CMIP: variants seen among roughly 807,000 people sequenced by gnomAD.
CMIP encodes the protein c-Maf inducing protein.
A neutral mutation model predicts 97.3 loss-of-function variants in CMIP; 13 were observed. The ratio of observed to expected loss-of-function variants is 0.13; its 90% CI spans 0.09 to 0.21. The LOEUF (loss-of-function observed/expected upper bound fraction) is 0.21, where lower values mean the gene tolerates loss of function less well. CMIP is among the 10% of genes least tolerant of loss of function. The pLI is 1.00. For synonymous variants in CMIP, 538 were observed against 436.3 expected (o/e 1.23, Z -2.91); for missense variants, 847 against 1,024.9 (o/e 0.83, Z 2.37).
chr16:81,465,968 A>G (rs1907179472), intron 1 of CMIP, among the ~76,000 whole-genome samples: 1 of 152,226 alleles, frequency 6.6e-6, no homozygotes, highest in African/African-American at 2.4e-5. Flanking sequence ...TGGTAATTTC[A>G]GGTGGCAAGA....
chr16:81,511,117 T>C (rs1325953394), intron 1 of CMIP, among the ~76,000 whole-genome samples: 1 of 152,202 alleles, frequency 6.6e-6, no homozygotes, highest in South Asian at 2.1e-4. Context: ...CAGCTTATGA[T>C]GAGTCTTGGG....
Position 81,711,698 on chromosome 16 carries a change from C to G in CMIP, c.*1899C>G, listed in dbSNP as rs894189817. 3 of 152,144 alleles carry G rather than the reference C, an allele frequency of 2.0e-5. No individual in the cohort carries two copies. Among genetic ancestry groups the G allele is most frequent in the Non-Finnish European group, 4.4e-5 (3 of 67,992 alleles). 9.4% of individuals were successfully genotyped at this position (152,144 alleles called of 1,614,324 possible). On this transcript the variant is annotated 3_prime_UTR_variant, in exon 21 of 21. Transcript: ENST00000537098. Reference sequence around the variant, plus strand: ...TTCCTGATGGTTAATACTACTGTCACGTAGCTGTGTACAAAGAGATGTGAA... The same window carrying G: ...TTCCTGATGGTTAATACTACTGTCAGGTAGCTGTGTACAAAGAGATGTGAA...
chr16:81,653,714 G>T (rs1300062584), intron 4 of CMIP, among the ~76,000 whole-genome samples: 1 of 152,198 alleles, frequency 6.6e-6, no homozygotes, highest in Non-Finnish European at 1.5e-5. Context: ...CTGGGTTCAA[G>T]CCGTTCTCCT....
chr16:81,491,379 G>A (rs2089403437), intron 1 of CMIP, among the ~76,000 whole-genome samples: 1 of 152,298 alleles, frequency 6.6e-6, no homozygotes, highest in South Asian at 2.1e-4. Context: ...GGTAAAAACG[G>A]GGTTAGTAAA....
chr16:81,607,482 A>G, intron 1 of CMIP, 85 bp from the exon 2 acceptor site: 1 of 1,544,962 alleles, frequency 6.5e-7, no homozygotes, highest in Non-Finnish European at 8.8e-7. Flanking sequence ...CAGAGGGGCG[A>G]TGTTTCCAAA....
At chr16:81,573,786 G>A (rs373389134) in intron 1 of CMIP, among the ~76,000 whole-genome samples, 21 of 152,166 alleles carry the variant, frequency 1.4e-4, no homozygotes, top group East Asian at 9.7e-4. Flanking sequence ...AATGTGTAAC[G>A]TGTATTTGTG....
At chr16:81,668,099 AG>A (rs887955624) in intron 7 of CMIP, among the ~76,000 whole-genome samples, 6 of 152,092 alleles carry the variant, frequency 3.9e-5, no homozygotes, top group Admixed American at 2.6e-4. Context: ...GTTAGACCTG[AG>A]GGGGGTCTCT....
At chr16:81,466,063 T>C (rs186333980) in intron 1 of CMIP, among the ~76,000 whole-genome samples, 187 of 152,304 alleles carry the variant, frequency 1.2e-3, no homozygotes, top group Middle Eastern at 3.4e-3. Context: ...TACTTTTTAT[T>C]TTGTCTTATT....
chr16:81,537,834 A>C (rs1046679084), intron 1 of CMIP, among the ~76,000 whole-genome samples: 5 of 152,228 alleles, frequency 3.3e-5, no homozygotes, highest in African/African-American at 1.2e-4. Context: ...AAGTGGCAGC[A>C]AGAGATTGGG....
chr16:81,614,437 T>G lies in CMIP; in HGVS notation c.427-6439T>G, dbSNP rs2091880385. Among the ~76,000 whole-genome samples, 1 of 152,130 alleles carries G rather than the reference T, an allele frequency of 6.6e-6. No homozygotes were observed. The highest frequency in any genetic ancestry group is 6.5e-5 in the Admixed American group (1 of 15,278). On this transcript the variant is annotated intron_variant, in intron 2 of 20. Coordinates refer to ENST00000537098, the MANE Select transcript of CMIP (RefSeq NM_198390.3). This position sits in a 1 kb window ranked among gnomAD's most constrained non-coding sequence, Gnocchi z 5.3. ...TTCAGCATGACATCAGCTCGTTGCA[T>G]TGGCCTGTGTGCTTGCCAGGAGCCC...
At chr16:81,513,795 A>C (rs1026420301) in intron 1 of CMIP, among the ~76,000 whole-genome samples, 2 of 152,360 alleles carry the variant, frequency 1.3e-5, no homozygotes, top group Admixed American at 6.5e-5. Flanking sequence ...CCTGGTGTGA[A>C]TATTTAAGAT....
chr16:81,466,028 C>G (rs543627763), intron 1 of CMIP, among the ~76,000 whole-genome samples: 1 of 140,346 alleles, frequency 7.1e-6, no homozygotes, highest in East Asian at 2.1e-4. Flanking sequence ...CTTTTCTTCT[C>G]TCTTGTTTTC....
intron 1 of CMIP, among the ~76,000 whole-genome samples, chr16:81,474,571 A>G (rs1181617617): frequency 6.6e-6 from 1 of 152,186 alleles, no homozygotes; most frequent in Admixed American, 6.5e-5. Context: ...GAGTCAGGTC[A>G]GAGGAGCAGG....
intron 3 of CMIP, among the ~76,000 whole-genome samples, chr16:81,649,060 C>T (rs984036763): frequency 9.2e-5 from 14 of 152,238 alleles, no homozygotes; most frequent in African/African-American, 2.9e-4. Context: ...AAGCCATTTG[C>T]ACTCAGTCCC....
intron 9 of CMIP, among the ~76,000 whole-genome samples, chr16:81,675,922 C>T (rs189318062): frequency 6.6e-6 from 1 of 152,302 alleles, no homozygotes; most frequent in Non-Finnish European, 1.5e-5. Context: ...GGCTGGGGAT[C>T]ACTCTGTAAG....
chr16:81,486,085 C>T (rs1229083770), intron 1 of CMIP, among the ~76,000 whole-genome samples: 6 of 152,260 alleles, frequency 3.9e-5, no homozygotes, highest in Admixed American at 6.5e-5. Flanking sequence ...CACGCAAGGC[C>T]ATCACTCTGT....
At chr16:81,623,176 C>G (rs1402047218) in intron 3 of CMIP, among the ~76,000 whole-genome samples, 1 of 152,152 alleles carries the variant, frequency 6.6e-6, no homozygotes, top group Non-Finnish European at 1.5e-5. Context: ...TGCACTCCAA[C>G]CTGAGTGATA....
intron 17 of CMIP, among the ~76,000 whole-genome samples, chr16:81,703,601 GCACACACA>G (rs577962949): frequency 7.2e-6 from 1 of 138,366 alleles, no homozygotes; most frequent in Non-Finnish European, 1.7e-5. Flanking sequence ...ACACATACAG[GCACACACA>G]CACAGACACA....
At position 81,577,855 on chromosome 16, in the gene CMIP, C is replaced by T. The variant is rs570967292; in HGVS notation, c.301-29712C>T. 6.0e-5 allele frequency among the ~76,000 whole-genome samples: 9 copies of T among 148,962 alleles called. No homozygotes were observed. In the South Asian group the frequency reaches 1.9e-3, roughly 32 times the overall value. On this transcript the variant is annotated intron_variant, in intron 1 of 20. Transcript: ENST00000537098. ...TTATCACTGTCACCATCACCATCAT[C>T]ACCATCACCTTCATCATCACCATCA...
Sources: gnomAD v4.1 joint callset for allele counts (sites outside exome capture counted in the v4.1 genomes callset) on GRCh38, gnomAD v4.1.1 for gene constraint, Gnocchi (gnomAD v3.1) non-coding constraint, MANE v1.5 for transcripts, NCBI Gene and HGNC (gene_info 2026-07-23, HGNC 2026-07-21) for gene names.